ATP4B: variants seen among roughly 807,000 people sequenced by gnomAD.
ATP4B encodes the protein potassium-transporting ATPase subunit beta.
ATP4B carries 27 observed loss-of-function variants against 35.3 expected under a neutral mutation model. The observed-to-expected ratio is 0.76, with a 90% CI of 0.56 to 1.05. ATP4B has a LOEUF of 1.05. Ranked by LOEUF, ATP4B falls within the 50% of genes least tolerant of loss-of-function variation. The probability of loss-of-function intolerance (pLI) is 0.00; values close to 1 mark genes in which losing one functional copy is unlikely to be tolerated. For synonymous variants in ATP4B, 162 were observed against 156.0 expected (o/e 1.04, Z -0.29); for missense variants, 375 against 384.8 (o/e 0.97, Z 0.21).
At chr13:113,651,335 C>G (rs2049710307) in intron 5 of ATP4B, among the ~76,000 whole-genome samples, 1 of 152,234 alleles carries the variant, frequency 6.6e-6, no homozygotes, top group Non-Finnish European at 1.5e-5. Context: ...AAGCTGGAAC[C>G]TTTTTGTAAA....
rs1209606223 is a variant in ATP4B, at chr13:113,650,228, G to A, written c.714+178C>T. On this transcript the variant is annotated intron_variant, in intron 6 of 6. Transcript: ENST00000335288. The surrounding 1 kb of genome is among the most constrained non-coding windows in gnomAD (Gnocchi z 5.0). Reference sequence around the variant, plus strand: ...TATTTTCATGTTGCGTGAGAGGAATGTTTCCAGGTAGATACAAGAACCTGG... The same window carrying A: ...TATTTTCATGTTGCGTGAGAGGAATATTTCCAGGTAGATACAAGAACCTGG... Among the ~76,000 whole-genome samples the A allele has an allele frequency of 6.6e-6, 1 of 151,970 alleles. No individual in the cohort carries two copies. The highest frequency in any genetic ancestry group is 1.5e-5 in the Non-Finnish European group (1 of 68,004).
chr13:113,657,656 A>G (rs1190725431), intron 1 of ATP4B, among the ~76,000 whole-genome samples: 1 of 152,272 alleles, frequency 6.6e-6, no homozygotes, highest in African/African-American at 2.4e-5. Context: ...TATTCAGGTC[A>G]TTGCGTGAAT....
chr13:113,654,731 C>T (rs1464037651), intron 2 of ATP4B, 83 bp downstream of exon 2: 20 of 1,511,606 alleles, frequency 1.3e-5, no homozygotes, highest in East Asian at 7.3e-5. Flanking sequence ...GGGGAGGGCA[C>T]GGGTCCCCCG....
At chr13:113,657,413 G>T in intron 1 of ATP4B, among the ~76,000 whole-genome samples, 1 of 152,248 alleles carries the variant, frequency 6.6e-6, no homozygotes. Flanking sequence ...TGTAGACGCA[G>T]ACGCTTCCAC....
chr13:113,654,905 C>A lies in ATP4B; in HGVS notation c.150G>T (p.Val50=). The A allele has an allele frequency of 6.2e-7, 1 of 1,614,248 alleles. No individual in the cohort carries two copies. Among genetic ancestry groups the A allele is most frequent in the Non-Finnish European group, 8.5e-7 (1 of 1,180,034 alleles). The change falls in exon 2 of 7, where the codon GTG becomes GTT. Residue 50 remains valine, a synonymous_variant. Transcript: ENST00000335288. The part of the protein sequence containing the change: ...ISLYYVAFYV[V]MTGLFALCLY... The stretch of plus-strand genomic sequence containing the variant: ...GGCACAGGGCGAAGAGCCCAGTCAT[C>A]ACCACGTAGAAGGCCACGTAGTACA...
chr13:113,657,417 C>T (rs1324009825), intron 1 of ATP4B, among the ~76,000 whole-genome samples: 3 of 152,224 alleles, frequency 2.0e-5, no homozygotes, highest in Admixed American at 1.3e-4. Context: ...GACGCAGACG[C>T]TTCCACCACC....
chr13:113,658,189 C>T lies in ATP4B; in HGVS notation c.-45G>A, dbSNP rs141529862. 270 of 1,556,974 alleles carry T rather than the reference C, an allele frequency of 1.7e-4. No individual in the cohort carries two copies. In the African/African-American group the frequency reaches 3.0e-3, roughly 17 times the overall value. On this transcript the variant is annotated 5_prime_UTR_variant, in exon 1 of 7. Transcript: ENST00000335288. ...TCCCGTCTGCTCCCTGCACCCTCTA[C>T]GCCCAGACTGAGGCCAGATGCCCAC...
Position 113,654,762 on chromosome 13 carries a change from G to A in ATP4B, c.241+52C>T. On this transcript the variant is annotated intron_variant, in intron 2 of 6. Coordinates refer to ENST00000335288, the MANE Select transcript of ATP4B (RefSeq NM_000705.4). ...CCCCGGGCGTCTCCAGAGCCGAGGA[G>A]GCGGCAGCCTGGCCTGTCACACGGC... 3.8e-6 allele frequency: 6 copies of A among 1,591,104 alleles called. No homozygotes were observed. The Admixed American group carries it at 7.0e-5, about 18-fold the overall frequency.
intron 1 of ATP4B, among the ~76,000 whole-genome samples, chr13:113,655,843 A>T (rs2049750568): frequency 6.6e-6 from 1 of 152,190 alleles, no homozygotes; most frequent in African/African-American, 2.4e-5. Context: ...GGGCAGGACC[A>T]AGTCAGAGAA....
rs1047532954 is a variant in ATP4B, at chr13:113,653,089, C to G, written c.356-17G>C. The G allele has an allele frequency of 1.9e-6, 3 of 1,600,050 alleles. No homozygotes were observed. The highest frequency in any genetic ancestry group is 2.6e-6 in the Non-Finnish European group (3 of 1,170,650). The stretch of plus-strand genomic sequence containing the variant: ...GAGAGTAGCCTGCAGACGGACGCAC[C>G]TGCCAGCCCTGTCCTGCCCTGGCCC... On this transcript the variant is annotated splice_polypyrimidine_tract_variant and intron_variant, in intron 3 of 6. Coordinates refer to ENST00000335288, the MANE Select transcript of ATP4B (RefSeq NM_000705.4).
intron 1 of ATP4B, 140 bp from the exon 2 acceptor site, chr13:113,655,082 A>C: frequency 8.5e-7 from 1 of 1,171,448 alleles, no homozygotes; most frequent in Non-Finnish European, 1.2e-6. Flanking sequence ...CAAAACAGAA[A>C]CCCCGTCCCC....
In ATP4B at chr13:113,654,808, G is replaced by A. The variant is rs200781593; in HGVS notation, c.241+6C>T. 6.0e-4 allele frequency: 974 copies of A among 1,613,376 alleles called. 1 individual carries two copies. The highest frequency in any genetic ancestry group is 3.8e-3 in the Middle Eastern group (23 of 6,060). Reference sequence around the variant, plus strand: ...ACGGCATGGGGGCAACATCCCGGGCGCTTACCTGGTGACCGTAGCTGGTCT... The same window carrying A: ...ACGGCATGGGGGCAACATCCCGGGCACTTACCTGGTGACCGTAGCTGGTCT... On this transcript the variant is annotated splice_donor_region_variant and intron_variant, in intron 2 of 6. Coordinates refer to ENST00000335288, the MANE Select transcript of ATP4B (RefSeq NM_000705.4).
At chr13:113,651,111 G>C (rs2049708870) in intron 5 of ATP4B, among the ~76,000 whole-genome samples, 1 of 152,032 alleles carries the variant, frequency 6.6e-6, no homozygotes, top group Non-Finnish European at 1.5e-5. Context: ...TAGTGGGAAG[G>C]CTCCACGCGG....
In ATP4B at chr13:113,650,579, G is replaced by T. The variant is rs1013320396; in HGVS notation, c.613-72C>A. The T allele has an allele frequency of 1.6e-6, 2 of 1,236,550 alleles. No individual in the cohort carries two copies. The highest frequency in any genetic ancestry group is 2.0e-5 in the Admixed American group (1 of 49,014). 76.6% of individuals were successfully genotyped at this position (1,236,550 alleles called of 1,614,324 possible). ...GCCGGTGTCTGTGTGTTGCGTTTGT[G>T]TGCGTGTGTGCACACACGCGCTGTG... On this transcript the variant is annotated intron_variant, in intron 5 of 6. Coordinates refer to ENST00000335288, the MANE Select transcript of ATP4B (RefSeq NM_000705.4). The surrounding 1 kb of genome is among the most constrained non-coding windows in gnomAD (Gnocchi z 5.0).
chr13:113,654,034 A>G (rs2049734750), intron 2 of ATP4B, among the ~76,000 whole-genome samples: 2 of 151,980 alleles, frequency 1.3e-5, no homozygotes, highest in Admixed American at 1.3e-4. Flanking sequence ...GTGGCCACAC[A>G]CTTCCACTTC....
At position 113,649,778 on chromosome 13, in the gene ATP4B, G is replaced by A. The variant is rs929085056; in HGVS notation, c.715-243C>T. ...AGTAAATTCAGCTTCAAACTCTTAC[G>A]ATGATTAACGTAAAAATGAAACAGG... On this transcript the variant is annotated intron_variant, in intron 6 of 6. Coordinates refer to ENST00000335288, the MANE Select transcript of ATP4B (RefSeq NM_000705.4). This position sits in a 1 kb window ranked among gnomAD's most constrained non-coding sequence, Gnocchi z 4.7. 3.9e-5 allele frequency among the ~76,000 whole-genome samples: 6 copies of A among 152,172 alleles called. No homozygotes were observed. The highest frequency in any genetic ancestry group is 1.2e-4 in the African/African-American group (5 of 41,420).
At chr13:113,652,011 G>A (rs2049716309) in intron 4 of ATP4B, among the ~76,000 whole-genome samples, 1 of 152,182 alleles carries the variant, frequency 6.6e-6, no homozygotes, top group African/African-American at 2.4e-5. Context: ...GGGCGGGGTG[G>A]TCTTAGCCCT....
Position 113,649,860 on chromosome 13 carries a change from A to C in ATP4B, c.715-325T>G. 6.6e-6 allele frequency among the ~76,000 whole-genome samples: 1 copy of C among 152,150 alleles called. No individual in the cohort carries two copies. Among genetic ancestry groups the C allele is most frequent in the Non-Finnish European group, 1.5e-5 (1 of 68,020 alleles). ...AGTGGATATGCAGTTGTTTTAGAGG[A>C]TCTGGGAAGTAGAAAAATTAGGCTG... On this transcript the variant is annotated intron_variant, in intron 6 of 6. Transcript: ENST00000335288. This position sits in a 1 kb window ranked among gnomAD's most constrained non-coding sequence, Gnocchi z 4.7.
In ATP4B at chr13:113,654,883, A is replaced by G; in HGVS notation, c.172T>C (p.Cys58Arg). Residue 58 changes from cysteine to arginine, a missense_variant, in exon 2 of 7, where the codon TGC (cysteine) becomes CGC (arginine). Physicochemically the swap from Cys to Arg is radical, Grantham distance 180. Transcript: ENST00000335288. ...ACTGTCTGCATCAGCACATAGAGGC[A>G]CAGGGCGAAGAGCCCAGTCATCACC... ...YVVMTGLFAL[C>R]LYVLMQTVDP... 6.2e-7 allele frequency: 1 copy of G among 1,614,248 alleles called. No homozygotes were observed. Among genetic ancestry groups the G allele is most frequent in the Non-Finnish European group, 8.5e-7 (1 of 1,180,032 alleles).
Sources: gnomAD v4.1 joint callset for allele counts (sites outside exome capture counted in the v4.1 genomes callset) on GRCh38, gnomAD v4.1.1 for gene constraint, Gnocchi (gnomAD v3.1) non-coding constraint, MANE v1.5 for transcripts, NCBI Gene and HGNC (gene_info 2026-07-23, HGNC 2026-07-21) for gene names.